The following CSMD1 variants were observed in gnomAD, a reference collection of about 807,000 sequenced individuals.
CSMD1 encodes CUB and sushi domain-containing protein 1.
A neutral mutation model predicts 417.5 loss-of-function variants in CSMD1; 213 were observed. That is an observed-to-expected ratio of 0.51 (90% CI 0.46 to 0.57). CSMD1 has a LOEUF of 0.57. CSMD1 is among the 20% of genes least tolerant of loss of function. CSMD1 has a pLI of 0.00. For missense variants in CSMD1, 6,923 were observed against 4,529.7 expected, an observed-to-expected ratio of 1.53 and a Z score of -15.17; for synonymous variants, 2,862 against 1,736.8, an observed-to-expected ratio of 1.65 and a Z score of -16.11.
At chr8:4,737,986 A>G (rs1306643725) in intron 1 of CSMD1, among the ~76,000 whole-genome samples, 1 of 152,228 alleles carries the variant, frequency 6.6e-6, no homozygotes. Flanking sequence ...GAAGCAAAGT[A>G]ATGATAGCAT....
chr8:3,739,702 A>G (rs1272932721), intron 6 of CSMD1, among the ~76,000 whole-genome samples: 1 of 152,244 alleles, frequency 6.6e-6, no homozygotes, highest in East Asian at 1.9e-4. Flanking sequence ...CACATGGCAT[A>G]ATGGGTATTA....
chr8:3,474,444 C>T (rs759714729), intron 11 of CSMD1, among the ~76,000 whole-genome samples: 8 of 152,042 alleles, frequency 5.3e-5, no homozygotes, highest in Non-Finnish European at 1.2e-4. Context: ...AACCAACCTG[C>T]ACCCCTATGA....
chr8:4,218,384 C>G (rs1471509766), intron 3 of CSMD1, among the ~76,000 whole-genome samples: 3 of 152,188 alleles, frequency 2.0e-5, no homozygotes, highest in African/African-American at 7.2e-5. Context: ...TTTCTTTAAA[C>G]TTTTCTCTAT....
intron 7 of CSMD1, among the ~76,000 whole-genome samples, chr8:3,643,197 A>G (rs1041719302): frequency 6.6e-6 from 1 of 152,120 alleles, no homozygotes; most frequent in Non-Finnish European, 1.5e-5. Context: ...GGGAAAACCA[A>G]TCAGGATAAT....
intron 8 of CSMD1, among the ~76,000 whole-genome samples, 192 bp from the exon 9 acceptor site, chr8:3,586,452 T>C (rs1800606165): frequency 1.3e-5 from 2 of 152,114 alleles, no homozygotes. Flanking sequence ...ATCAAAAGAC[T>C]TGGGTTCAGA....
intron 5 of CSMD1, among the ~76,000 whole-genome samples, chr8:3,812,738 C>A (rs1202297293): frequency 6.6e-6 from 1 of 152,196 alleles, no homozygotes; most frequent in East Asian, 1.9e-4. Flanking sequence ...AACACCACAT[C>A]TCCCCAAGTC....
Position 3,716,570 on chromosome 8 carries a change from G to A in CSMD1, c.932-8079C>T, listed in dbSNP as rs567310723. Among the ~76,000 whole-genome samples, 13 of 152,192 alleles carry A rather than the reference G, an allele frequency of 8.5e-5. No homozygotes were observed. The East Asian group carries it at 1.5e-3, about 18-fold the overall frequency. On this transcript the variant is annotated intron_variant, in intron 6 of 69. Coordinates refer to ENST00000635120, the MANE Select transcript of CSMD1 (RefSeq NM_033225.6). ...TCACTCTCGTCCCCGTCTTGGTTTC[G>A]GGAGATTTGCGCCGGCTTCTTTACT...
chr8:4,799,870 T>C (rs941903536), intron 1 of CSMD1, among the ~76,000 whole-genome samples: 8 of 151,940 alleles, frequency 5.3e-5, no homozygotes, highest in Non-Finnish European at 8.8e-5. Flanking sequence ...TGTAAGAAAG[T>C]ACTCAAACAT....
chr8:3,639,777 ATCT>A (rs1797216863), intron 7 of CSMD1, among the ~76,000 whole-genome samples: 1 of 152,158 alleles, frequency 6.6e-6, no homozygotes, highest in Non-Finnish European at 1.5e-5. Context: ...ATTCTTCATA[ATCT>A]TCTAACTACT....
At chr8:3,409,098 T>C (rs1477348745) in intron 13 of CSMD1, among the ~76,000 whole-genome samples, 3 of 152,232 alleles carry the variant, frequency 2.0e-5, no homozygotes, top group Non-Finnish European at 4.4e-5. Flanking sequence ...CAAAGGACTC[T>C]GTTGCTGTAC....
At chr8:3,913,014 T>C (rs1048834130) in intron 5 of CSMD1, among the ~76,000 whole-genome samples, 3 of 152,068 alleles carry the variant, frequency 2.0e-5, no homozygotes, top group African/African-American at 7.2e-5. Context: ...GTGACTATAA[T>C]GAGCTAAGGC....
intron 4 of CSMD1, among the ~76,000 whole-genome samples, chr8:4,009,437 G>T (rs921833662): frequency 2.0e-5 from 3 of 152,164 alleles, no homozygotes; most frequent in African/African-American, 7.2e-5. Flanking sequence ...ATATTCAACA[G>T]CGGATACATC....
chr8:4,152,706 AT>A (rs1796632285), intron 3 of CSMD1, among the ~76,000 whole-genome samples: 1 of 152,070 alleles, frequency 6.6e-6, no homozygotes, highest in African/African-American at 2.4e-5. Flanking sequence ...GAAAAAAAAA[AT>A]CCTTTACATA....
intron 2 of CSMD1, among the ~76,000 whole-genome samples, chr8:4,604,803 A>G (rs185091317): frequency 6.6e-6 from 1 of 152,332 alleles, no homozygotes; most frequent in Non-Finnish European, 1.5e-5. Flanking sequence ...CTCAATATTT[A>G]GTTGTACCTC....
At chr8:3,399,281 T>C (rs954108609) in intron 16 of CSMD1, 110 bp downstream of exon 16, 7 of 980,342 alleles carry the variant, frequency 7.1e-6, no homozygotes, top group African/African-American at 3.3e-5. Context: ...TGTGCTCCTA[T>C]GCGGGAACCG....
intron 2 of CSMD1, among the ~76,000 whole-genome samples, chr8:4,487,629 T>A (rs1801484956): frequency 6.6e-6 from 1 of 152,168 alleles, no homozygotes; most frequent in Non-Finnish European, 1.5e-5. Flanking sequence ...AAAGTAGAAA[T>A]AAGGCACACC....
intron 1 of CSMD1, among the ~76,000 whole-genome samples, chr8:4,977,663 C>G (rs146740154): frequency 5.9e-5 from 9 of 152,326 alleles, no homozygotes; most frequent in African/African-American, 2.2e-4. Flanking sequence ...AGATGCCTCA[C>G]TAGTTGACAT....
chr8:2,998,282 T>G, intron 53 of CSMD1, 98 bp from the exon 54 acceptor site: 1 of 1,263,210 alleles, frequency 7.9e-7, no homozygotes, highest in South Asian at 1.4e-5. Context: ...GCTAACGGTA[T>G]GGACTGAAGG....
intron 2 of CSMD1, among the ~76,000 whole-genome samples, chr8:4,616,268 G>A (rs889346113): frequency 2.0e-5 from 3 of 152,142 alleles, no homozygotes; most frequent in Non-Finnish European, 4.4e-5. Context: ...TTTACCAATT[G>A]TACAAGTCTA....
Sources: allele counts gnomAD v4.1 joint callset (sites outside exome capture counted in the v4.1 genomes callset), GRCh38; gene constraint gnomAD v4.1.1; transcripts MANE v1.5; gene names NCBI Gene and HGNC (gene_info 2026-07-23, HGNC 2026-07-21).